The following EDDM13 variants were observed in gnomAD, a reference collection of about 807,000 sequenced individuals.
EDDM13 encodes epididymal protein 13.
A neutral mutation model predicts 17.8 loss-of-function variants in EDDM13; 24 were observed. The observed-to-expected ratio is 1.35, with a 90% CI of 0.98 to 1.90. The LOEUF (loss-of-function observed/expected upper bound fraction) is 1.90. Ranked by LOEUF, EDDM13 falls within the 40% of genes most tolerant of loss-of-function variation. EDDM13 has a pLI of 0.00. For missense variants in EDDM13, 97 were observed against 100.8 expected, an observed-to-expected ratio of 0.96 and a Z score of 0.16; for synonymous variants, 31 against 37.5, an observed-to-expected ratio of 0.83 and a Z score of 0.63.
At chr19:56,275,731 G>A (rs1028425310) in intron 1 of EDDM13, among the ~76,000 whole-genome samples, 1 of 152,228 alleles carries the variant, frequency 6.6e-6, no homozygotes, top group East Asian at 1.9e-4. Flanking sequence ...AGAGTTTGGG[G>A]TGTCTAGTGT....
chr19:56,301,814 C>T (rs2040251743), intron 12 of EDDM13, 154 bp from the exon 13 acceptor site: 7 of 773,398 alleles, frequency 9.1e-6, no homozygotes, highest in African/African-American at 3.6e-5. Flanking sequence ...AAGGGGGAAG[C>T]TGGCAGTGAT....
intron 9 of EDDM13, among the ~76,000 whole-genome samples, chr19:56,292,838 C>A (rs1181973458): frequency 6.6e-6 from 1 of 152,194 alleles, no homozygotes; most frequent in Admixed American, 6.5e-5. Flanking sequence ...TTGTGTCTGG[C>A]TTCATCACTC....
chr19:56,278,939 C>T (rs1161270725), intron 2 of EDDM13, among the ~76,000 whole-genome samples: 1 of 152,186 alleles, frequency 6.6e-6, no homozygotes. Context: ...TGGTGCTCAC[C>T]CACCGTGAGG....
intron 8 of EDDM13, among the ~76,000 whole-genome samples, chr19:56,290,459 C>T (rs1770409838): frequency 2.0e-5 from 3 of 152,190 alleles, no homozygotes; most frequent in South Asian, 4.1e-4. Context: ...TAGAGCAGTG[C>T]TTCTCAGGGT....
intron 12 of EDDM13, among the ~76,000 whole-genome samples, chr19:56,298,574 A>C (rs2040029461): frequency 6.6e-6 from 1 of 151,446 alleles, no homozygotes. Context: ...AATCACTTGA[A>C]CCTGGGAGGC....
At chr19:56,300,281 C>T (rs1265890887) in intron 12 of EDDM13, among the ~76,000 whole-genome samples, 1 of 152,078 alleles carries the variant, frequency 6.6e-6, no homozygotes, top group Non-Finnish European at 1.5e-5. Flanking sequence ...TTATTACATA[C>T]CTGCTCTCAA....
intron 13 of EDDM13, 89 bp downstream of exon 13, chr19:56,302,184 G>A (rs961283329): frequency 4.2e-5 from 42 of 997,692 alleles, no homozygotes; most frequent in Non-Finnish European, 5.4e-5. Context: ...GAAGGAGGGT[G>A]CCTCAGAGGT....
intron 8 of EDDM13, among the ~76,000 whole-genome samples, 28 bp from the exon 9 acceptor site, chr19:56,290,813 C>T (rs929590368): frequency 7.2e-5 from 11 of 152,208 alleles, no homozygotes; most frequent in Non-Finnish European, 1.5e-4. Flanking sequence ...ACTGACTCCC[C>T]GAATGCTGGT....
chr19:56,287,729 C>T (rs967077534), intron 6 of EDDM13, among the ~76,000 whole-genome samples: 3 of 152,138 alleles, frequency 2.0e-5, no homozygotes, highest in African/African-American at 7.2e-5. Context: ...AGTCATTAAA[C>T]AGGTGGGGAA....
At chr19:56,302,214 G>C (rs984077653) in intron 13 of EDDM13, 119 bp downstream of exon 13, 1 of 587,438 alleles carries the variant, frequency 1.7e-6, no homozygotes, top group Non-Finnish European at 2.5e-6. Context: ...GAAGTGGTGG[G>C]AGAGCCCTTC....
intron 2 of EDDM13, among the ~76,000 whole-genome samples, chr19:56,280,178 C>T (rs1158187682): frequency 2.0e-5 from 3 of 152,138 alleles, no homozygotes; most frequent in African/African-American, 7.2e-5. Flanking sequence ...ACAAAAAAGA[C>T]AGCGTATTAT....
At chr19:56,291,144 C>A (rs1039513031) in intron 9 of EDDM13, among the ~76,000 whole-genome samples, 1 of 152,072 alleles carries the variant, frequency 6.6e-6, no homozygotes, top group Non-Finnish European at 1.5e-5. Context: ...GACCGTTGCC[C>A]CAGAAGACAA....
chr19:56,289,464 T>C (rs1186501905), intron 8 of EDDM13, among the ~76,000 whole-genome samples: 1 of 152,170 alleles, frequency 6.6e-6, no homozygotes, highest in Non-Finnish European at 1.5e-5. Context: ...TATACTCTAG[T>C]TCGGGTAAGA....
At chr19:56,307,224 CGCCT>C (rs1052410199) in intron 14 of EDDM13, among the ~76,000 whole-genome samples, 17 of 152,338 alleles carry the variant, frequency 1.1e-4, no homozygotes, top group South Asian at 2.1e-4. Context: ...TCTCCCACGT[CGCCT>C]GCCTTTCATC....
chr19:56,274,933 C>A (rs1308997915), intron 1 of EDDM13: 1 of 152,170 alleles, frequency 6.6e-6, no homozygotes, highest in Admixed American at 6.5e-5. Flanking sequence ...GAGCTCTGAT[C>A]AGTTGTTTTG....
intron 13 of EDDM13, among the ~76,000 whole-genome samples, chr19:56,302,547 T>TTCTTCCTCTCCCTCTTCCTC (rs1568726189): frequency 1.3e-5 from 1 of 78,804 alleles, no homozygotes; most frequent in Admixed American, 1.4e-4. Context: ...TCCTCCCCGT[T>TTCTTCCTCTCCCTCTTCCTC]CCTCCCTCCC....
chr19:56,297,159 G>A (rs1208875641), intron 11 of EDDM13, among the ~76,000 whole-genome samples: 1 of 152,102 alleles, frequency 6.6e-6, no homozygotes, highest in Non-Finnish European at 1.5e-5. Flanking sequence ...GAGATAACTG[G>A]GGGAAAGGCA....
Position 56,302,098 on chromosome 19 carries a change from A to G in EDDM13, c.423+3A>G. ...TATCCTACAACAAAGGGGACTGGGT[A>G]AGAAGAAGGCAGCACGGAGGGGAGG... is the stretch of plus-strand genomic sequence containing the variant. On this transcript the variant is annotated splice_donor_region_variant and intron_variant, in intron 13 of 14. Transcript: ENST00000649256. 1.6e-6 allele frequency: 2 copies of G among 1,231,568 alleles called. No individual in the cohort carries two copies. The highest frequency in any genetic ancestry group is 2.0e-6 in the Non-Finnish European group (2 of 988,042). 76.3% of individuals were successfully genotyped at this position (1,231,568 alleles called of 1,614,324 possible).
intron 10 of EDDM13, 52 bp from the exon 11 acceptor site, chr19:56,296,284 G>A (rs141050565): frequency 6.6e-6 from 1 of 152,424 alleles, no homozygotes; most frequent in African/African-American, 2.4e-5. Context: ...GTCTGGAAGT[G>A]TTTATCATGC....
Sources: allele counts gnomAD v4.1 joint callset (sites outside exome capture counted in the v4.1 genomes callset), GRCh38; gene constraint gnomAD v4.1.1; transcripts MANE v1.5; gene names NCBI Gene and HGNC (gene_info 2026-07-23, HGNC 2026-07-21).